Variants in PLEKHM3 observed in about 807,000 individuals in gnomAD.
PLEKHM3 encodes pleckstrin homology domain-containing family M member 3.
Under a neutral mutation model 81.8 loss-of-function variants are expected in PLEKHM3, and 45 were observed. That is an observed-to-expected ratio of 0.55 (90% confidence interval 0.43 to 0.71). PLEKHM3 has a LOEUF of 0.71. Among genes scored for constraint, PLEKHM3 ranks in the 30% least tolerant of loss-of-function variants. The probability of loss-of-function intolerance (pLI) is 0.00; values close to 1 mark genes in which losing one functional copy is unlikely to be tolerated. For missense variants in PLEKHM3, 788 were observed against 924.3 expected, an observed-to-expected ratio of 0.85 and a Z score of 1.91; for synonymous variants, 352 against 356.4, an observed-to-expected ratio of 0.99 and a Z score of 0.14.
chr2:208,015,679 T>C (rs1385813963), intron 1 of PLEKHM3, among the ~76,000 whole-genome samples: 1 of 152,232 alleles, frequency 6.6e-6, no homozygotes, highest in Non-Finnish European at 1.5e-5. Flanking sequence ...GTGAAACAAG[T>C]GCTTCTGCAA....
chr2:207,821,289 AT>A lies in PLEKHM3; in HGVS notation c.*7029del, dbSNP rs1328857401. On this transcript the variant is annotated 3_prime_UTR_variant, in exon 8 of 8. Coordinates refer to ENST00000427836, the MANE Select transcript of PLEKHM3 (RefSeq NM_001080475.3). ...TCAAGTTGTTATGAGAAAGGAAAGT[AT>A]TTTCTGCATTGTTTATTGAGAGAGA... 1 of 151,832 alleles carries A rather than the reference AT, an allele frequency of 6.6e-6. No homozygotes were observed. The highest frequency in any genetic ancestry group is 1.5e-5 in the Non-Finnish European group (1 of 68,006). 9.4% of individuals were successfully genotyped at this position (151,832 alleles called of 1,614,324 possible).
At chr2:207,990,407 CTCAA>C (rs1296456391) in intron 2 of PLEKHM3, among the ~76,000 whole-genome samples, 2 of 152,160 alleles carry the variant, frequency 1.3e-5, no homozygotes, top group African/African-American at 4.8e-5. Flanking sequence ...ATAGCCTTTC[CTCAA>C]TGAAGACTCC....
intron 3 of PLEKHM3, among the ~76,000 whole-genome samples, chr2:207,950,667 G>T (rs926625048): frequency 2.0e-5 from 3 of 152,142 alleles, no homozygotes; most frequent in Non-Finnish European, 4.4e-5. Flanking sequence ...GGTCCCTCGA[G>T]CTCTAAAATT....
At chr2:207,851,688 T>G (rs1485130795) in intron 7 of PLEKHM3, 1 of 133,398 alleles carries the variant, frequency 7.5e-6, no homozygotes, top group East Asian at 2.2e-4. Flanking sequence ...TGCAGTGAGC[T>G]GAGGTCGCGC....
At chr2:207,854,914 T>C (rs1330693502) in intron 7 of PLEKHM3, among the ~76,000 whole-genome samples, 1 of 152,348 alleles carries the variant, frequency 6.6e-6, no homozygotes, top group Non-Finnish European at 1.5e-5. Context: ...GGGTGATTCA[T>C]AATCATATGG....
rs1368418946 is a variant in PLEKHM3, at chr2:207,844,766, C to G, written c.2109-16270G>C. Among the ~76,000 whole-genome samples, 4 of 152,158 alleles carry G rather than the reference C, an allele frequency of 2.6e-5. No individual in the cohort carries two copies. The East Asian group carries it at 7.7e-4, about 29-fold the overall frequency. The stretch of plus-strand genomic sequence containing the variant: ...GTAGGTGGCAGAGTCCTTTGCCCCC[C>G]AGGTTGGTTTGTGGGTTCCCCAGAT... On this transcript the variant is annotated intron_variant, in intron 7 of 7. Transcript: ENST00000427836.
chr2:207,890,790 T>G (rs2105870654), intron 6 of PLEKHM3, among the ~76,000 whole-genome samples: 1 of 152,342 alleles, frequency 6.6e-6, no homozygotes, highest in Middle Eastern at 3.4e-3. Flanking sequence ...GCTTCTTCTA[T>G]TAGGCCATTG....
At chr2:207,956,647 G>A (rs942818324) in intron 3 of PLEKHM3, among the ~76,000 whole-genome samples, 2 of 149,452 alleles carry the variant, frequency 1.3e-5, no homozygotes, top group African/African-American at 2.5e-5. Context: ...CTGGGCTCAA[G>A]TGATCCTCCC....
intron 6 of PLEKHM3, among the ~76,000 whole-genome samples, chr2:207,896,846 T>C (rs548867646): frequency 7.2e-5 from 11 of 152,334 alleles, no homozygotes; most frequent in African/African-American, 2.4e-4. Flanking sequence ...AGAAAGAGTG[T>C]GGACTCCATG....
At chr2:207,984,304 T>C (rs1186858088) in intron 2 of PLEKHM3, among the ~76,000 whole-genome samples, 2 of 152,256 alleles carry the variant, frequency 1.3e-5, no homozygotes, top group Non-Finnish European at 1.5e-5. Context: ...CTTTAAAATA[T>C]ATACGATACT....
chr2:207,941,770 G>C (rs764859219), intron 4 of PLEKHM3, among the ~76,000 whole-genome samples: 1 of 152,076 alleles, frequency 6.6e-6, no homozygotes, highest in Non-Finnish European at 1.5e-5. Flanking sequence ...CAACCCAGTA[G>C]CAACAAAAAT....
intron 5 of PLEKHM3, among the ~76,000 whole-genome samples, chr2:207,919,791 G>A (rs1689121024): frequency 6.6e-6 from 1 of 152,184 alleles, no homozygotes; most frequent in Admixed American, 6.5e-5. Flanking sequence ...CTCAGCTACA[G>A]TGAACTCACT....
chr2:207,977,279 T>C lies in PLEKHM3; in HGVS notation c.918A>G (p.Val306=), dbSNP rs1691349709. 4 of 1,614,092 alleles carry C rather than the reference T, an allele frequency of 2.5e-6. No homozygotes were observed. Among genetic ancestry groups the C allele is most frequent in the Non-Finnish European group, 3.4e-6 (4 of 1,180,046 alleles). Residue 306 remains valine (V), a synonymous_variant, in exon 3 of 8, where the codon GTA becomes GTG. Transcript: ENST00000427836. ...ALDWGQKLWE[V]VHAAVPGYMG... ...TGTAACCGGGCACAGCAGCATGCAC[T>C]ACTTCCCAAAGCTTCTGTCCCCAGT...
intron 4 of PLEKHM3, among the ~76,000 whole-genome samples, chr2:207,943,618 C>G (rs1452573031): frequency 6.6e-6 from 1 of 151,924 alleles, no homozygotes; most frequent in Non-Finnish European, 1.5e-5. Flanking sequence ...CCTGTAATCC[C>G]AGCACTTTGG....
At chr2:207,895,331 G>A (rs1465100719) in intron 6 of PLEKHM3, among the ~76,000 whole-genome samples, 1 of 152,190 alleles carries the variant, frequency 6.6e-6, no homozygotes, top group Admixed American at 6.5e-5. Flanking sequence ...ATATCTGCCT[G>A]TCTGCCAGAT....
intron 6 of PLEKHM3, among the ~76,000 whole-genome samples, chr2:207,882,393 C>T (rs2105853448): frequency 6.6e-6 from 1 of 151,916 alleles, no homozygotes; most frequent in South Asian, 2.1e-4. Context: ...AGGTGGATCA[C>T]CTGAGGTCAG....
intron 1 of PLEKHM3, among the ~76,000 whole-genome samples, chr2:208,011,822 A>T (rs1574490770): frequency 1.2e-5 from 1 of 85,110 alleles, no homozygotes; most frequent in African/African-American, 5.0e-5. Context: ...TTTGAGACGG[A>T]GCTTCACTCT....
At chr2:207,878,729 G>A (rs545232873) in intron 6 of PLEKHM3, among the ~76,000 whole-genome samples, 12 of 152,204 alleles carry the variant, frequency 7.9e-5, no homozygotes, top group Non-Finnish European at 1.8e-4. Flanking sequence ...TCATGTGCCC[G>A]GGGTTGCCCA....
chr2:208,021,372 T>C (rs1016088548), intron 1 of PLEKHM3, among the ~76,000 whole-genome samples: 5 of 152,262 alleles, frequency 3.3e-5, no homozygotes, highest in African/African-American at 1.2e-4. Context: ...TACTTCTATA[T>C]GACATTCAGC....
Sources: allele counts gnomAD v4.1 joint callset (sites outside exome capture counted in the v4.1 genomes callset), GRCh38; gene constraint gnomAD v4.1.1; transcripts MANE v1.5; gene names NCBI Gene and HGNC (gene_info 2026-07-23, HGNC 2026-07-21).